Variants in MYO16 observed in about 807,000 individuals in gnomAD.
The protein encoded by MYO16 is unconventional myosin-XVI.
A neutral mutation model predicts 205.3 loss-of-function variants in MYO16; 94 were observed. The ratio of observed to expected loss-of-function variants is 0.46; its 90% CI spans 0.39 to 0.54. MYO16 has a LOEUF of 0.54. Ranked by LOEUF, MYO16 falls within the 20% of genes least tolerant of loss-of-function variation. MYO16 has a pLI of 0.00. For synonymous variants in MYO16, 988 were observed against 954.0 expected (o/e 1.04, Z -0.66); for missense variants, 2,315 against 2,387.5 (o/e 0.97, Z 0.63).
chr13:108,782,512 A>G (rs2391696), intron 4 of MYO16, among the ~76,000 whole-genome samples: 51,859 of 152,106 alleles, frequency 0.34, 10,060 homozygotes, highest in East Asian at 0.63. Flanking sequence ...AGAAAAACCC[A>G]TTTTTTGAGG....
At chr13:108,853,127 G>A (rs143197686) in intron 10 of MYO16, among the ~76,000 whole-genome samples, 277 of 152,364 alleles carry the variant, frequency 1.8e-3, no homozygotes, top group African/African-American at 6.4e-3. Context: ...TACGCCGAAG[G>A]CAGCATCACT....
At chr13:108,666,795 A>T (rs555173084) in intron 2 of MYO16, among the ~76,000 whole-genome samples, 1 of 152,280 alleles carries the variant, frequency 6.6e-6, no homozygotes, top group South Asian at 2.1e-4. Flanking sequence ...TCTTCACAAG[A>T]CTGTTAAATT....
intron 23 of MYO16, among the ~76,000 whole-genome samples, chr13:109,026,675 C>T (rs953389207): frequency 2.6e-5 from 4 of 152,076 alleles, no homozygotes; most frequent in Admixed American, 2.6e-4. Context: ...TAAGTGATTC[C>T]TACACTTCTC....
At chr13:108,998,060 G>T (rs1885093813) in intron 21 of MYO16, among the ~76,000 whole-genome samples, 1 of 152,152 alleles carries the variant, frequency 6.6e-6, no homozygotes, top group Non-Finnish European at 1.5e-5. Flanking sequence ...TTTATGAAAT[G>T]ATATGATATA....
intron 27 of MYO16, among the ~76,000 whole-genome samples, chr13:109,099,501 G>A (rs769493335): frequency 1.3e-5 from 2 of 152,070 alleles, no homozygotes; most frequent in African/African-American, 4.8e-5. Context: ...TCCTCTAAGC[G>A]CACTAATCCC....
intron 1 of MYO16, among the ~76,000 whole-genome samples, chr13:108,605,988 G>C (rs1305139871): frequency 6.6e-6 from 1 of 152,172 alleles, no homozygotes; most frequent in Admixed American, 6.5e-5. Context: ...CTTAGATGCA[G>C]ATGAGGAACT....
At chr13:108,792,637 G>A (rs927487123) in intron 5 of MYO16, among the ~76,000 whole-genome samples, 7 of 151,004 alleles carry the variant, frequency 4.6e-5, no homozygotes, top group African/African-American at 7.3e-5. Context: ...TCAGCCTCTC[G>A]AGTAGCTGGG....
intron 23 of MYO16, among the ~76,000 whole-genome samples, chr13:109,034,616 A>C (rs1224127346): frequency 1.3e-5 from 2 of 152,224 alleles, no homozygotes; most frequent in Non-Finnish European, 2.9e-5. Context: ...AAAACAGACG[A>C]ATACAACATG....
intron 23 of MYO16, among the ~76,000 whole-genome samples, chr13:109,023,921 T>G (rs1886262137): frequency 1.6e-5 from 2 of 125,508 alleles, no homozygotes; most frequent in South Asian, 4.9e-4. Flanking sequence ...AAGTATAAAA[T>G]ACATAAATAT....
intron 3 of MYO16, among the ~76,000 whole-genome samples, chr13:108,723,832 A>T (rs2139576324): frequency 6.6e-6 from 1 of 152,222 alleles, no homozygotes; most frequent in Non-Finnish European, 1.5e-5. Context: ...TGAATTTTAG[A>T]TTCAGCTTTT....
chr13:109,060,505 G>A (rs1168481709), intron 27 of MYO16, among the ~76,000 whole-genome samples: 2 of 152,052 alleles, frequency 1.3e-5, no homozygotes, highest in South Asian at 2.1e-4. Context: ...GCAAGGGGAC[G>A]GAGACCATTA....
At chr13:108,757,296 C>A (rs2139649025) in intron 4 of MYO16, among the ~76,000 whole-genome samples, 1 of 152,194 alleles carries the variant, frequency 6.6e-6, no homozygotes, top group South Asian at 2.1e-4. Flanking sequence ...GAGAGGAGCG[C>A]TTTGAAGTTT....
intron 1 of MYO16, among the ~76,000 whole-genome samples, chr13:108,598,214 TCA>T (rs1555330963): frequency 6.6e-6 from 1 of 152,166 alleles, no homozygotes; most frequent in Non-Finnish European, 1.5e-5. Flanking sequence ...ACAGAATGAA[TCA>T]CACAGTGAAT....
rs570541466 is a variant in MYO16, at chr13:109,006,991, G to A, written c.2443-1906G>A. Among the ~76,000 whole-genome samples the A allele has an allele frequency of 3.9e-5, 6 of 152,220 alleles. No homozygotes were observed. The South Asian group carries it at 1.2e-3, about 32-fold the overall frequency. ...GTGTGGTGTCCCGGAGGAGAGGGGA[G>A]AAAGTGCTCCATGGAAGAAGAGAAA... On this transcript the variant is annotated intron_variant, in intron 21 of 34. Coordinates refer to ENST00000457511, the MANE Select transcript of MYO16 (RefSeq NM_001198950.3).
chr13:108,552,890 A>G, the MYO16 span, among the ~76,000 whole-genome samples: 5 of 151,836 alleles, frequency 3.3e-5, no homozygotes, highest in African/African-American at 9.7e-5. Context: ...GATGAGAGAG[A>G]GCTACAGGGG....
At chr13:108,952,395 A>G (rs1373393756) in intron 16 of MYO16, among the ~76,000 whole-genome samples, 1 of 152,130 alleles carries the variant, frequency 6.6e-6, no homozygotes, top group African/African-American at 2.4e-5. Flanking sequence ...TGGTTCGCCA[A>G]TGACTAGCTT....
At chr13:109,205,820 T>C (rs1296184543) in intron 34 of MYO16, among the ~76,000 whole-genome samples, 1 of 152,190 alleles carries the variant, frequency 6.6e-6, no homozygotes, top group East Asian at 1.9e-4. Flanking sequence ...GTTTTGATGC[T>C]TTCCTGCAAA....
chr13:109,129,017 C>T (rs1329986485), intron 31 of MYO16, among the ~76,000 whole-genome samples: 1 of 151,578 alleles, frequency 6.6e-6, no homozygotes, highest in Admixed American at 6.6e-5. Flanking sequence ...AGTGATCTGC[C>T]TGCCTTGGCC....
chr13:108,510,482 T>A, the MYO16 span, among the ~76,000 whole-genome samples: 3 of 134,030 alleles, frequency 2.2e-5, no homozygotes, highest in Admixed American at 7.3e-5. Flanking sequence ...TTTTTTTTTT[T>A]TTTATTGTAC....
Sources: allele counts gnomAD v4.1 joint callset (sites outside exome capture counted in the v4.1 genomes callset), GRCh38; gene constraint gnomAD v4.1.1; transcripts MANE v1.5; gene names NCBI Gene and HGNC (gene_info 2026-07-23, HGNC 2026-07-21).